KCNIP1: variants seen among roughly 807,000 people sequenced by gnomAD.
KCNIP1 encodes the protein A-type potassium channel modulatory protein KCNIP1.
In KCNIP1, 18 loss-of-function variants were observed where a neutral mutation model predicts 33.0. The observed-to-expected ratio is 0.55, with a 90% CI of 0.38 to 0.81. The LOEUF (loss-of-function observed/expected upper bound fraction) is 0.81. KCNIP1 is among the 30% of genes least tolerant of loss of function. KCNIP1 has a pLI of 0.00. For synonymous variants in KCNIP1, 93 were observed against 98.3 expected (o/e 0.95, Z 0.32); for missense variants, 238 against 271.6 (o/e 0.88, Z 0.87).
chr5:170,526,392 G>A (rs1252447113), intron 1 of KCNIP1, among the ~76,000 whole-genome samples: 3 of 152,208 alleles, frequency 2.0e-5, no homozygotes, highest in Admixed American at 6.5e-5. Flanking sequence ...GGGTGGATTC[G>A]AACTCAGGCC....
chr5:170,676,123 G>A (rs550105224), intron 1 of KCNIP1, among the ~76,000 whole-genome samples: 44 of 136,618 alleles, frequency 3.2e-4, no homozygotes, highest in South Asian at 1.3e-3. Context: ...GAGGGAGGGA[G>A]CGAGGGAGGC....
At chr5:170,631,746 C>A (rs945458832) in intron 1 of KCNIP1, among the ~76,000 whole-genome samples, 1 of 152,210 alleles carries the variant, frequency 6.6e-6, no homozygotes, top group Non-Finnish European at 1.5e-5. Context: ...ACTCCCAGGT[C>A]CCCTAGGGCT....
chr5:170,725,526 TA>T (rs1368314162), intron 5 of KCNIP1, among the ~76,000 whole-genome samples: 3 of 151,942 alleles, frequency 2.0e-5, no homozygotes, highest in Non-Finnish European at 2.9e-5. Context: ...GGAAGGATAG[TA>T]GGGGGGCTGT....
At chr5:170,670,130 G>C (rs192035376) in intron 1 of KCNIP1, among the ~76,000 whole-genome samples, 2 of 152,270 alleles carry the variant, frequency 1.3e-5, no homozygotes, top group African/African-American at 4.8e-5. Context: ...GGCAGATGTG[G>C]ACCAGCGCAG....
intron 1 of KCNIP1, among the ~76,000 whole-genome samples, chr5:170,440,167 C>T (rs1755956692): frequency 1.3e-5 from 2 of 152,272 alleles, no homozygotes; most frequent in South Asian, 4.1e-4. Context: ...GTCTGCAAAC[C>T]AAGGAGAGAG....
At chr5:170,484,669 C>T (rs1203781693) in intron 1 of KCNIP1, among the ~76,000 whole-genome samples, 3 of 150,984 alleles carry the variant, frequency 2.0e-5, no homozygotes, top group African/African-American at 4.9e-5. Context: ...CTACCCGTTT[C>T]CCCCTCCCCT....
At chr5:170,583,182 C>T (rs1757862177) in intron 1 of KCNIP1, among the ~76,000 whole-genome samples, 1 of 152,158 alleles carries the variant, frequency 6.6e-6, no homozygotes. Flanking sequence ...GAAGGTCCAG[C>T]GCCCTGCCTG....
intron 1 of KCNIP1, among the ~76,000 whole-genome samples, chr5:170,384,994 C>A (rs377590395): frequency 6.6e-6 from 1 of 152,332 alleles, no homozygotes; most frequent in South Asian, 2.1e-4. Context: ...TTCTCTGATT[C>A]CTCCTGGGAT....
At chr5:170,724,064 T>C (rs950206697) in intron 5 of KCNIP1, among the ~76,000 whole-genome samples, 38 of 152,284 alleles carry the variant, frequency 2.5e-4, no homozygotes, top group African/African-American at 8.9e-4. Context: ...GATGAACATG[T>C]TTTTTGAAAG....
intron 1 of KCNIP1, among the ~76,000 whole-genome samples, chr5:170,473,594 C>T (rs762730364): frequency 6.6e-6 from 1 of 152,124 alleles, no homozygotes; most frequent in African/African-American, 2.4e-5. Context: ...AGCAGAGGTT[C>T]GGCTGAGCAC....
intron 1 of KCNIP1, among the ~76,000 whole-genome samples, chr5:170,479,429 T>C (rs1217934356): frequency 1.3e-5 from 2 of 152,244 alleles, no homozygotes; most frequent in Non-Finnish European, 2.9e-5. Context: ...AAATTCACTC[T>C]TCTTACAAGG....
At chr5:170,481,362 C>T (rs1367628232) in intron 1 of KCNIP1, among the ~76,000 whole-genome samples, 1 of 151,874 alleles carries the variant, frequency 6.6e-6, no homozygotes, top group African/African-American at 2.4e-5. Flanking sequence ...TTTAGGGGTA[C>T]AGGAGAGTTG....
chr5:170,504,036 G>C lies in KCNIP1; in HGVS notation c.-537G>C. 2 of 985,104 alleles carry C rather than the reference G, an allele frequency of 2.0e-6. No individual in the cohort carries two copies. Among genetic ancestry groups the C allele is most frequent in the African/African-American group, 1.8e-5 (1 of 56,980 alleles). The allele number at this position is 985,104 out of a possible 1,614,324, so 61.0% of individuals were successfully genotyped here. On this transcript the variant is annotated 5_prime_UTR_variant, in exon 1 of 8. Transcript: ENST00000328939. The surrounding 1 kb of genome is among the most constrained non-coding windows in gnomAD (Gnocchi z 6.0). Reference sequence around the variant, plus strand: ...CGCCGCTCCGACTCTCGCCCCGAGCGCTGGCAGCAGGCAGCAGGCAGCAGG... The same window carrying C: ...CGCCGCTCCGACTCTCGCCCCGAGCCCTGGCAGCAGGCAGCAGGCAGCAGG...
chr5:170,568,419 A>T (rs1757272452), intron 1 of KCNIP1, among the ~76,000 whole-genome samples: 1 of 152,022 alleles, frequency 6.6e-6, no homozygotes, highest in South Asian at 2.1e-4. Context: ...AGTACCCTCC[A>T]CAACATCCCA....
At position 170,566,041 on chromosome 5, in the gene KCNIP1, T is replaced by C. The variant is rs1428450507; in HGVS notation, c.61+61408T>C. On this transcript the variant is annotated intron_variant, in intron 1 of 7. Transcript: ENST00000328939. ...TTCTGAACTATCTGTATTATTATTA[T>C]TATTTTAGATGGAGTCTCACTCTGT... Among the ~76,000 whole-genome samples the C allele has an allele frequency of 2.0e-5, 3 of 152,312 alleles. No homozygotes were observed. The East Asian group carries it at 5.8e-4, about 29-fold the overall frequency.
chr5:170,393,428 G>T (rs1754667610), intron 1 of KCNIP1, among the ~76,000 whole-genome samples: 1 of 152,194 alleles, frequency 6.6e-6, no homozygotes, highest in Non-Finnish European at 1.5e-5. Context: ...CTCAGTCCTA[G>T]CGAAGCTGTG....
intron 1 of KCNIP1, among the ~76,000 whole-genome samples, chr5:170,695,635 C>T (rs1349935298): frequency 2.0e-5 from 3 of 152,198 alleles, no homozygotes; most frequent in African/African-American, 7.2e-5. Context: ...TAAACTTCTG[C>T]TTTGAGGCTA....
chr5:170,507,845 C>G (rs1337837694), intron 1 of KCNIP1, among the ~76,000 whole-genome samples: 1 of 152,144 alleles, frequency 6.6e-6, no homozygotes, highest in Non-Finnish European at 1.5e-5. Context: ...ATTTCCTGTC[C>G]TTCTCTCTGT....
chr5:170,434,533 C>T (rs1755816718), intron 1 of KCNIP1, among the ~76,000 whole-genome samples: 1 of 152,156 alleles, frequency 6.6e-6, no homozygotes, highest in Non-Finnish European at 1.5e-5. Flanking sequence ...AGGATGTGCA[C>T]CAGGGAAGCT....
Sources: gnomAD v4.1 joint callset for allele counts (sites outside exome capture counted in the v4.1 genomes callset) on GRCh38, gnomAD v4.1.1 for gene constraint, Gnocchi (gnomAD v3.1) non-coding constraint, MANE v1.5 for transcripts, NCBI Gene and HGNC (gene_info 2026-07-23, HGNC 2026-07-21) for gene names.